The following SCG5 variants were observed in gnomAD, a reference collection of about 807,000 sequenced individuals.
The protein encoded by SCG5 is secretogranin V.
A neutral mutation model predicts 25.7 loss-of-function variants in SCG5; 18 were observed. That is an observed-to-expected ratio of 0.70 (90% CI 0.48 to 1.04). The LOEUF (loss-of-function observed/expected upper bound fraction) is 1.04. Ranked by LOEUF, SCG5 falls within the 50% of genes least tolerant of loss-of-function variation. The probability of loss-of-function intolerance (pLI) is 0.00; values close to 1 mark genes in which losing one functional copy is unlikely to be tolerated. For missense variants in SCG5, 206 were observed against 259.8 expected (o/e 0.79, Z 1.42); for synonymous variants, 101 against 91.7 (o/e 1.10, Z -0.58).
At chr15:32,655,421 C>A (rs11638385) in intron 2 of SCG5, among the ~76,000 whole-genome samples, 2 of 151,926 alleles carry the variant, frequency 1.3e-5, no homozygotes. Flanking sequence ...TTTTCCTCCC[C>A]TTGTCCCCTT....
At chr15:32,649,511 T>G (rs1278482468) in intron 2 of SCG5, among the ~76,000 whole-genome samples, 1 of 152,212 alleles carries the variant, frequency 6.6e-6, no homozygotes, top group East Asian at 1.9e-4. Flanking sequence ...CTTTTTGCAG[T>G]CCTGGGACTA....
intron 2 of SCG5, among the ~76,000 whole-genome samples, chr15:32,672,413 G>A (rs1426299517): frequency 6.6e-6 from 1 of 152,268 alleles, no homozygotes; most frequent in Non-Finnish European, 1.5e-5. Context: ...GCAGAGTCTG[G>A]AGGGCAGGGG....
At chr15:32,643,956 ACT>A (rs2053905793) in intron 2 of SCG5, 138 bp downstream of exon 2, 1 of 697,902 alleles carries the variant, frequency 1.4e-6, no homozygotes, top group Admixed American at 2.9e-5. Flanking sequence ...TTTTTAAGAG[ACT>A]CTACTTTCTC....
At chr15:32,673,399 G>A (rs2054473453) in intron 2 of SCG5, among the ~76,000 whole-genome samples, 1 of 152,008 alleles carries the variant, frequency 6.6e-6, no homozygotes, top group Admixed American at 6.5e-5. Context: ...TCATTTTCTA[G>A]CCCCTTATTA....
intron 2 of SCG5, among the ~76,000 whole-genome samples, chr15:32,663,021 TA>T (rs201146500): frequency 7.7e-5 from 8 of 103,474 alleles, no homozygotes; most frequent in African/African-American, 1.1e-4. Flanking sequence ...TTAGGGCTGT[TA>T]AAAAAAAAGA....
At position 32,696,738 on chromosome 15, in the gene SCG5, G is replaced by A; in HGVS notation, c.*129G>A. On this transcript the variant is annotated 3_prime_UTR_variant, in exon 6 of 6. Transcript: ENST00000300175. ...AGATAATTATGGATACAAAGCAGCT[G>A]TATGTAGATAGTGTATTGTCTTCAC... 4.9e-6 allele frequency: 3 copies of A among 606,528 alleles called. No homozygotes were observed. The highest frequency in any genetic ancestry group is 2.1e-5 in the South Asian group (1 of 46,560). The allele number at this position is 606,528 out of a possible 1,614,324, so 37.6% of individuals were successfully genotyped here.
chr15:32,679,526 T>C (rs983798500), intron 2 of SCG5, among the ~76,000 whole-genome samples: 2 of 152,222 alleles, frequency 1.3e-5, no homozygotes, highest in African/African-American at 4.8e-5. Flanking sequence ...TGTGATGCTG[T>C]ATTAACATTT....
At chr15:32,648,821 G>C (rs560553916) in intron 2 of SCG5, among the ~76,000 whole-genome samples, 53 of 151,160 alleles carry the variant, frequency 3.5e-4, no homozygotes, top group Non-Finnish European at 6.6e-4. Context: ...CCCCAGGCTG[G>C]AGTGCAATGG....
intron 2 of SCG5, among the ~76,000 whole-genome samples, chr15:32,661,883 A>G (rs181344332): frequency 5.9e-5 from 9 of 152,230 alleles, no homozygotes; most frequent in African/African-American, 2.2e-4. Flanking sequence ...TACCACCTAG[A>G]GATACCCACT....
Position 32,658,898 on chromosome 15 carries a change from C to T in SCG5, c.226+15080C>T, listed in dbSNP as rs146654072. Among the ~76,000 whole-genome samples, 567 of 152,232 alleles carry T rather than the reference C, an allele frequency of 3.7e-3. 2 individuals are homozygous for T. Among genetic ancestry groups the T allele is most frequent in the African/African-American group, 0.013 (541 of 41,544 alleles). The stretch of plus-strand genomic sequence containing the variant: ...GCACTTAACAACTGTCAGAGAGGGC[C>T]GGGCGTGGTGGCTTATGCCCGTAAT... On this transcript the variant is annotated intron_variant, in intron 2 of 5. Transcript: ENST00000300175.
chr15:32,679,182 T>G (rs1341087597), intron 2 of SCG5, among the ~76,000 whole-genome samples: 1 of 140,218 alleles, frequency 7.1e-6, no homozygotes, highest in East Asian at 2.0e-4. Flanking sequence ...GAACTCTCCC[T>G]TTCCCATGCT....
chr15:32,650,010 T>C (rs1018392751), intron 2 of SCG5, among the ~76,000 whole-genome samples: 1 of 152,222 alleles, frequency 6.6e-6, no homozygotes, highest in Non-Finnish European at 1.5e-5. Context: ...TGGGTGCCAT[T>C]AGTAACTGAA....
intron 5 of SCG5, among the ~76,000 whole-genome samples, chr15:32,693,939 A>G (rs2054910096): frequency 6.6e-6 from 1 of 152,144 alleles, no homozygotes; most frequent in Non-Finnish European, 1.5e-5. Flanking sequence ...GTGAAACCCC[A>G]TCTCTACTAA....
chr15:32,643,959 C>T (rs191416230), intron 2 of SCG5, 141 bp downstream of exon 2: 1 of 687,878 alleles, frequency 1.5e-6, no homozygotes, highest in Non-Finnish European at 2.4e-6. Context: ...TTAAGAGACT[C>T]TACTTTCTCA....
chr15:32,651,121 C>G (rs1237826201), intron 2 of SCG5, among the ~76,000 whole-genome samples: 1 of 152,176 alleles, frequency 6.6e-6, no homozygotes, highest in African/African-American at 2.4e-5. Context: ...ATCGCTTGAA[C>G]CCTAAAGGCA....
chr15:32,685,286 A>G (rs2054688402), intron 4 of SCG5, among the ~76,000 whole-genome samples: 1 of 152,230 alleles, frequency 6.6e-6, no homozygotes. Flanking sequence ...AAGTCTTGCC[A>G]ATCTAATTAT....
chr15:32,658,397 C>G (rs2054160770), intron 2 of SCG5, among the ~76,000 whole-genome samples: 1 of 152,156 alleles, frequency 6.6e-6, no homozygotes, highest in Non-Finnish European at 1.5e-5. Flanking sequence ...TTGAGCTAGA[C>G]TTCCTTGAGG....
At chr15:32,647,144 A>G (rs1168710866) in intron 2 of SCG5, among the ~76,000 whole-genome samples, 1 of 152,216 alleles carries the variant, frequency 6.6e-6, no homozygotes, top group Non-Finnish European at 1.5e-5. Flanking sequence ...GCTTAGGGGT[A>G]GGATTTAAAT....
At chr15:32,693,104 A>T (rs17228585) in intron 5 of SCG5, among the ~76,000 whole-genome samples, 3,897 of 152,322 alleles carry the variant, frequency 0.026, 74 homozygotes, top group Middle Eastern at 0.058. Flanking sequence ...TTTACCAGTA[A>T]CACGGCTTGA....
Sources: allele counts gnomAD v4.1 joint callset (sites outside exome capture counted in the v4.1 genomes callset), GRCh38; gene constraint gnomAD v4.1.1; transcripts MANE v1.5; gene names NCBI Gene and HGNC (gene_info 2026-07-23, HGNC 2026-07-21).